The following PKIB variants were observed in gnomAD, a reference collection of about 807,000 sequenced individuals.
The protein encoded by PKIB is cAMP-dependent protein kinase inhibitor beta, also known as PKI-beta.
Under a neutral mutation model 4.5 loss-of-function variants are expected in PKIB, and 2 were observed. The observed-to-expected ratio is 0.44, with a 90% CI of 0.18 to 1.39. PKIB has a LOEUF of 1.39. Ranked by LOEUF, PKIB falls within the 40% of genes most tolerant of loss-of-function variation. The pLI, the probability that PKIB is intolerant of heterozygous loss-of-function variation, is 0.27. For missense variants in PKIB, 94 were observed against 92.6 expected, an observed-to-expected ratio of 1.02 and a Z score of -0.06; for synonymous variants, 38 against 36.0, an observed-to-expected ratio of 1.06 and a Z score of -0.20.
intron 1 of PKIB, among the ~76,000 whole-genome samples, chr6:122,632,498 C>T (rs1049611776): frequency 2.0e-5 from 3 of 152,166 alleles, no homozygotes; most frequent in African/African-American, 7.2e-5. Context: ...GAAGTATATA[C>T]ATAAATGAAA....
intron 1 of PKIB, among the ~76,000 whole-genome samples, chr6:122,619,274 T>A (rs1359555445): frequency 6.6e-6 from 1 of 152,198 alleles, no homozygotes; most frequent in Non-Finnish European, 1.5e-5. Flanking sequence ...TAAGATGGCC[T>A]TTCCCACTTG....
intron 4 of PKIB, 63 bp downstream of exon 4, chr6:122,718,026 T>G: frequency 1.1e-5 from 16 of 1,501,920 alleles, no homozygotes; most frequent in African/African-American, 1.4e-5. Flanking sequence ...GCCTTTTCTC[T>G]GGACAGTCTT....
chr6:122,479,513 T>C (rs1238579853), intron 2 of PKIB: 4 of 152,202 alleles, frequency 2.6e-5, no homozygotes, highest in Non-Finnish European at 2.9e-5. Flanking sequence ...TTGATAAATA[T>C]CACAAAACAG....
chr6:122,668,885 G>A (rs190242221), intron 2 of PKIB, among the ~76,000 whole-genome samples: 1,734 of 152,270 alleles, frequency 0.011, 13 homozygotes, highest in Non-Finnish European at 0.017. Flanking sequence ...AAATTGAGGA[G>A]GAGGATTTGT....
chr6:122,602,955 CAAAAAAAAAAA>C (rs71021410), intron 3 of PKIB, among the ~76,000 whole-genome samples: 2 of 74,876 alleles, frequency 2.7e-5, no homozygotes, highest in Admixed American at 1.7e-4. Flanking sequence ...GACTGCGTCT[CAAAAAAAAAAA>C]AAAAAAAAAA....
chr6:122,679,241 T>C (rs943484023), intron 3 of PKIB, among the ~76,000 whole-genome samples: 2 of 152,170 alleles, frequency 1.3e-5, no homozygotes, highest in African/African-American at 2.4e-5. Context: ...AAAGGGAGTA[T>C]GTCTGAGAGT....
chr6:122,672,075 A>G (rs572671728), intron 2 of PKIB, among the ~76,000 whole-genome samples: 1 of 152,278 alleles, frequency 6.6e-6, no homozygotes, highest in East Asian at 1.9e-4. Flanking sequence ...AGGAGGATGG[A>G]CAAGCACCAA....
chr6:122,651,944 A>T (rs1303076389), intron 2 of PKIB, among the ~76,000 whole-genome samples: 1 of 152,126 alleles, frequency 6.6e-6, no homozygotes, highest in Non-Finnish European at 1.5e-5. Flanking sequence ...TTTTACAAAT[A>T]TTTGATTATG....
upstream of PKIB, among the ~76,000 whole-genome samples, chr6:122,609,226 C>A (rs1052472127): frequency 6.6e-6 from 1 of 152,108 alleles, no homozygotes; most frequent in South Asian, 2.1e-4. Context: ...GCTTTATTAG[C>A]AGAGTATAAT....
chr6:122,521,889 G>A (rs1776957290), intron 2 of PKIB, among the ~76,000 whole-genome samples: 1 of 152,052 alleles, frequency 6.6e-6, no homozygotes, highest in African/African-American at 2.4e-5. Context: ...ATTGCTCTTA[G>A]TCCTTGTCAA....
intron 3 of PKIB, among the ~76,000 whole-genome samples, chr6:122,605,025 A>G (rs1774482253): frequency 6.6e-6 from 1 of 152,196 alleles, no homozygotes; most frequent in South Asian, 2.1e-4. Context: ...CCCTTGGTGA[A>G]TGTGGGTCTG....
chr6:122,678,895 A>G (rs1777788766), intron 3 of PKIB, among the ~76,000 whole-genome samples: 1 of 152,222 alleles, frequency 6.6e-6, no homozygotes. Flanking sequence ...TCTAAGTCTT[A>G]ATAAAGAGAG....
chr6:122,677,086 T>C (rs947119402), intron 3 of PKIB, among the ~76,000 whole-genome samples: 2 of 146,232 alleles, frequency 1.4e-5, no homozygotes, highest in Non-Finnish European at 3.1e-5. Context: ...ACTGGAAGAA[T>C]TGCTATAATG....
chr6:122,539,882 A>T (rs1298112650), intron 2 of PKIB, among the ~76,000 whole-genome samples: 1 of 152,020 alleles, frequency 6.6e-6, no homozygotes, highest in Non-Finnish European at 1.5e-5. Context: ...CTATTCAGAG[A>T]TTCAACTTCT....
At chr6:122,487,239 T>G (rs1775792883) in intron 2 of PKIB, among the ~76,000 whole-genome samples, 1 of 152,236 alleles carries the variant, frequency 6.6e-6, no homozygotes, top group South Asian at 2.1e-4. Flanking sequence ...TGTCTCTTGA[T>G]TATCTGACAA....
chr6:122,503,497 C>A (rs1776307407), intron 2 of PKIB, among the ~76,000 whole-genome samples: 1 of 152,060 alleles, frequency 6.6e-6, no homozygotes, highest in African/African-American at 2.4e-5. Flanking sequence ...GTGACTGAGT[C>A]CAGGGATTTA....
Position 122,511,755 on chromosome 6 carries a change from G to A in PKIB, c.-248+33816G>A, listed in dbSNP as rs576017780. On this transcript the variant is annotated intron_variant, in intron 2 of 6. Coordinates refer to the PKIB transcript ENST00000392491. The stretch of plus-strand genomic sequence containing the variant: ...ATGCTCAGGGCGAAACAGTGAAAGG[G>A]AGGCAGTACGTCATAGGCGTAATCT... Among the ~76,000 whole-genome samples the A allele has an allele frequency of 2.0e-5, 3 of 152,226 alleles. No homozygotes were observed. In the South Asian group the frequency reaches 6.2e-4, roughly 32 times the overall value.
chr6:122,725,039 G>T, intron 4 of PKIB, 89 bp from the exon 5 acceptor site: 1 of 1,024,820 alleles, frequency 9.8e-7, no homozygotes, highest in South Asian at 1.5e-5. Context: ...TATGGACGGT[G>T]GACAAAGGAA....
intron 3 of PKIB, among the ~76,000 whole-genome samples, chr6:122,600,878 A>G (rs1774342120): frequency 6.6e-6 from 1 of 152,196 alleles, no homozygotes; most frequent in African/African-American, 2.4e-5. Flanking sequence ...CACAGATAAT[A>G]GAATTAATAG....
Sources: allele counts gnomAD v4.1 joint callset (sites outside exome capture counted in the v4.1 genomes callset), GRCh38; gene constraint gnomAD v4.1.1; transcripts MANE v1.5; gene names NCBI Gene and HGNC (gene_info 2026-07-23, HGNC 2026-07-21).